The following ARID1B variants were observed in gnomAD, a reference collection of about 807,000 sequenced individuals.
ARID1B encodes AT-rich interaction domain 1B.
ARID1B carries 30 observed loss-of-function variants against 212.3 expected under a neutral mutation model. That is an observed-to-expected ratio of 0.14 (90% CI 0.11 to 0.19). The LOEUF is 0.19. Among genes scored for constraint, ARID1B ranks in the 10% least tolerant of loss-of-function variants. The probability of loss-of-function intolerance (pLI) is 1.00; values close to 1 mark genes in which losing one functional copy is unlikely to be tolerated. For missense variants in ARID1B, 2,891 were observed against 3,204.0 expected (o/e 0.90, Z 2.36); for synonymous variants, 1,402 against 1,301.7 (o/e 1.08, Z -1.66).
At chr6:157,156,696 G>A (rs1192000908) in intron 8 of ARID1B, among the ~76,000 whole-genome samples, 1 of 152,144 alleles carries the variant, frequency 6.6e-6, no homozygotes, top group East Asian at 1.9e-4. Flanking sequence ...CCAGCCAGGG[G>A]GCCAAGGCGC....
At chr6:156,972,173 A>G (rs899127979) in intron 4 of ARID1B, among the ~76,000 whole-genome samples, 1 of 152,238 alleles carries the variant, frequency 6.6e-6, no homozygotes, top group African/African-American at 2.4e-5. Context: ...GAATTCTCAA[A>G]TGAAAATTAC....
chr6:157,036,126 A>G (rs552013825), intron 4 of ARID1B, among the ~76,000 whole-genome samples: 218 of 152,320 alleles, frequency 1.4e-3, no homozygotes, highest in Non-Finnish European at 2.4e-3. Context: ...GTGTATTGGT[A>G]CTTTGCAATA....
chr6:157,156,530 A>G (rs1354045299), intron 8 of ARID1B, among the ~76,000 whole-genome samples: 1 of 152,240 alleles, frequency 6.6e-6, no homozygotes, highest in Non-Finnish European at 1.5e-5. Flanking sequence ...CACTAATTCT[A>G]AAAGGATCAG....
intron 6 of ARID1B, among the ~76,000 whole-genome samples, chr6:157,118,500 C>T (rs1169208883): frequency 6.6e-6 from 1 of 152,202 alleles, no homozygotes; most frequent in East Asian, 1.9e-4. Context: ...TTAACTTAGC[C>T]TCCACTCTTA....
At chr6:157,036,697 T>C (rs1781353827) in intron 4 of ARID1B, 1 of 381,076 alleles carries the variant, frequency 2.6e-6, no homozygotes, top group Non-Finnish European at 5.3e-6. Context: ...AGATCTCTCT[T>C]TCTTGACAAC....
intron 2 of ARID1B, among the ~76,000 whole-genome samples, chr6:156,846,486 G>A (rs1784242666): frequency 1.3e-5 from 2 of 152,064 alleles, no homozygotes; most frequent in Non-Finnish European, 2.9e-5. Flanking sequence ...GAGGTGTCTG[G>A]TGGTCCTTCG....
chr6:156,850,316 T>G (rs1327837018), intron 2 of ARID1B, among the ~76,000 whole-genome samples: 2 of 152,198 alleles, frequency 1.3e-5, no homozygotes, highest in Non-Finnish European at 2.9e-5. Context: ...TATTGCATTT[T>G]GGGTGATTTT....
intron 2 of ARID1B, among the ~76,000 whole-genome samples, chr6:156,882,639 A>T (rs1181399762): frequency 6.6e-6 from 1 of 152,182 alleles, no homozygotes; most frequent in Non-Finnish European, 1.5e-5. Context: ...CACTGGCCAC[A>T]TACTCTTAGA....
intron 3 of ARID1B, 176 bp downstream of exon 3, chr6:156,901,701 T>C: frequency 1.2e-6 from 1 of 832,186 alleles, no homozygotes. Context: ...TCTTTTCCCC[T>C]TTTGAGATTG....
intron 2 of ARID1B, among the ~76,000 whole-genome samples, chr6:156,890,813 C>A (rs538548785): frequency 6.6e-6 from 1 of 152,252 alleles, no homozygotes; most frequent in East Asian, 1.9e-4. Context: ...AGTAAGTGCT[C>A]AATATACATT....
At chr6:157,057,473 A>G (rs1298997725) in intron 4 of ARID1B, among the ~76,000 whole-genome samples, 1 of 152,074 alleles carries the variant, frequency 6.6e-6, no homozygotes, top group Non-Finnish European at 1.5e-5. Context: ...ATAGTTATGT[A>G]AGATGAGGTT....
In ARID1B at chr6:157,094,602, A is replaced by G. The variant is rs575728777; in HGVS notation, c.2491+9697A>G. Among the ~76,000 whole-genome samples the G allele has an allele frequency of 2.0e-5, 3 of 152,244 alleles. No individual in the cohort carries two copies. In the South Asian group the frequency reaches 6.2e-4, roughly 32 times the overall value. Reference sequence around the variant, plus strand: ...ACTCCTGACCTCTCGAAATCTGCCCATGTTGGCCTCCCAAAGTGCTAGGAT... The same window carrying G: ...ACTCCTGACCTCTCGAAATCTGCCCGTGTTGGCCTCCCAAAGTGCTAGGAT... On this transcript the variant is annotated intron_variant, in intron 5 of 19. Transcript: ENST00000636930. The surrounding 1 kb of genome is among the most constrained non-coding windows in gnomAD (Gnocchi z 4.3).
In ARID1B at chr6:156,778,871, C is replaced by CGGAGGAGGAGGAGGCAGCGGAGGA; in HGVS notation, c.1206_1229dup (p.Ser403_Gly410dup). The CGGAGGAGGAGGAGGCAGCGGAGGA allele has an allele frequency of 2.2e-6, 3 of 1,340,178 alleles. No individual in the cohort carries two copies. Among genetic ancestry groups the CGGAGGAGGAGGAGGCAGCGGAGGA allele is most frequent in the Non-Finnish European group, 2.9e-6 (3 of 1,036,560 alleles). The allele number at this position is 1,340,178 out of a possible 1,614,324, so 83.0% of individuals were successfully genotyped here. A position where few individuals can be genotyped will look rare whatever the true frequency, so the allele number is the denominator to read the frequency against. On this transcript the variant is annotated inframe_insertion, in exon 1 of 20. Coordinates refer to ENST00000636930, the MANE Select transcript of ARID1B (RefSeq NM_001374828.1). ...CGGGCGGCGGCGGCGGCGGCGGCGG[C>CGGAGGAGGAGGAGGCAGCGGAGGA]GGAGGAGGAGGAGGCAGCGGAGGAG... is the stretch of plus-strand genomic sequence containing the variant.
chr6:157,019,735 T>G (rs773751032), intron 4 of ARID1B, among the ~76,000 whole-genome samples: 6 of 152,234 alleles, frequency 3.9e-5, no homozygotes, highest in Non-Finnish European at 7.3e-5. Flanking sequence ...AACTGTCATC[T>G]AATTGCCTGC....
Position 157,209,217 on chromosome 6 carries a change from A to G in ARID1B, c.*1326A>G. ...CATTTATTCAGTATAAAATCTTTAT[A>G]TGTTCCACATGTTAAGAATAAATGT... is the stretch of plus-strand genomic sequence containing the variant. On this transcript the variant is annotated 3_prime_UTR_variant, in exon 20 of 20. Transcript: ENST00000636930. 2 of 230,962 alleles carry G rather than the reference A, an allele frequency of 8.7e-6. No homozygotes were observed. The highest frequency in any genetic ancestry group is 1.7e-5 in the Non-Finnish European group (2 of 116,488). 14.3% of individuals were successfully genotyped at this position (230,962 alleles called of 1,614,324 possible). A position where few individuals can be genotyped will look rare whatever the true frequency, so the allele number is the denominator to read the frequency against.
intron 2 of ARID1B, among the ~76,000 whole-genome samples, chr6:156,837,535 T>C (rs1783596397): frequency 6.6e-6 from 1 of 152,250 alleles, no homozygotes; most frequent in Admixed American, 6.5e-5. Context: ...AAAGTTTTTC[T>C]TTTATGTTAA....
At chr6:157,144,084 A>G (rs144125649) in intron 7 of ARID1B, among the ~76,000 whole-genome samples, 65 of 152,364 alleles carry the variant, frequency 4.3e-4, no homozygotes, top group African/African-American at 1.4e-3. Flanking sequence ...ATTGAAACAC[A>G]GCTCCTCTCT....
rs558760949 is a variant in ARID1B, at chr6:157,063,946, G to A, written c.2248-20716G>A. Among the ~76,000 whole-genome samples the A allele has an allele frequency of 6.6e-5, 10 of 152,322 alleles. No individual in the cohort carries two copies. The South Asian group carries it at 1.0e-3, about 16-fold the overall frequency. On this transcript the variant is annotated intron_variant, in intron 4 of 19. Transcript: ENST00000636930. The stretch of plus-strand genomic sequence containing the variant: ...CTCATGGACCACACTGGTTGGCACC[G>A]CAGTGCTCTACCTGCAGGCTGACCT...
intron 1 of ARID1B, among the ~76,000 whole-genome samples, chr6:156,823,326 A>G (rs760382874): frequency 1.3e-5 from 2 of 152,150 alleles, no homozygotes; most frequent in Admixed American, 6.5e-5. Flanking sequence ...AATAATTGCA[A>G]GGTGGGTTTT....
Sources: allele counts gnomAD v4.1 joint callset (sites outside exome capture counted in the v4.1 genomes callset), GRCh38; gene constraint gnomAD v4.1.1; non-coding constraint Gnocchi (gnomAD v3.1); transcripts MANE v1.5; gene names NCBI Gene and HGNC (gene_info 2026-07-23, HGNC 2026-07-21).